Variants in RGS22 observed in about 807,000 individuals in gnomAD.
RGS22 encodes the protein regulator of G protein signaling 22.
A neutral mutation model predicts 172.9 loss-of-function variants in RGS22; 148 were observed. The observed-to-expected ratio is 0.86, with a 90% CI of 0.75 to 0.98. The LOEUF is 0.98. Among genes scored for constraint, RGS22 ranks in the 50% least tolerant of loss-of-function variants. The pLI is 0.00. For missense variants in RGS22, 1,347 were observed against 1,440.8 expected (o/e 0.93, Z 1.05); for synonymous variants, 458 against 480.2 (o/e 0.95, Z 0.60).
rs1368826349 is a variant in RGS22, at chr8:100,062,718, T to C, written c.1387A>G (p.Ser463Gly). The stretch of plus-strand genomic sequence containing the variant: ...GCAGAAAGGTAGTAATCTCCATTGC[T>C]CACTAGATAGCATTTTTTCATCTTC... ...LEKMKKCYLV[S>G]NGDYYLSAEI... Residue 463 changes from serine (S) to glycine (G), a missense_variant, in exon 9 of 28, where the codon AGC (serine) becomes GGC (glycine). Coordinates refer to ENST00000360863, the MANE Select transcript of RGS22 (RefSeq NM_015668.5). 1 of 1,601,322 alleles carries C rather than the reference T, an allele frequency of 6.2e-7. No homozygotes were observed. The highest frequency in any genetic ancestry group is 1.8e-5 in the Admixed American group (1 of 56,496).
intron 4 of RGS22, among the ~76,000 whole-genome samples, chr8:100,079,239 G>A (rs566139762): frequency 1.1e-4 from 16 of 152,220 alleles, no homozygotes; most frequent in South Asian, 2.1e-4. Flanking sequence ...ACTGTGTAGC[G>A]CAGAATATAT....
chr8:100,004,205 T>A, intron 16 of RGS22, 107 bp from the exon 17 acceptor site: 1 of 1,338,048 alleles, frequency 7.5e-7, no homozygotes, highest in Non-Finnish European at 9.7e-7. Context: ...CAAAGCCATT[T>A]AATAATTCAA....
intron 23 of RGS22, among the ~76,000 whole-genome samples, chr8:99,972,540 TAAAC>T (rs1330605014): frequency 2.6e-5 from 4 of 152,040 alleles, no homozygotes; most frequent in African/African-American, 7.2e-5. Context: ...ACAAGGAACT[TAAAC>T]AAATTTACAG....
intron 17 of RGS22, among the ~76,000 whole-genome samples, 195 bp from the exon 18 acceptor site, chr8:100,002,559 T>C (rs979220777): frequency 6.6e-6 from 1 of 152,150 alleles, no homozygotes; most frequent in African/African-American, 2.4e-5. Flanking sequence ...ATTACACTCC[T>C]AATCCTGGCT....
intron 9 of RGS22, among the ~76,000 whole-genome samples, chr8:100,060,272 T>C (rs897016590): frequency 1.3e-5 from 2 of 151,720 alleles, no homozygotes; most frequent in Admixed American, 6.6e-5. Flanking sequence ...CACATGTATG[T>C]TCTTCCCATC....
At position 100,063,662 on chromosome 8, in the gene RGS22, A is replaced by C. The variant is rs1810321161; in HGVS notation, c.1106T>G (p.Leu369Ter). ...TGACCTCTCCTTTGTAGTTTGAACT[A>C]ATTCACTTAAAAAATTCTTGCCATG... is the stretch of plus-strand genomic sequence containing the variant. ...SIHGKNFLSE[L>*]VQTTKERSEE... The change falls in exon 8 of 28, where the codon TTA (leucine) becomes TGA (stop). Residue 369 changes from leucine (L) to a stop codon, truncating the protein, a stop_gained. Coordinates refer to ENST00000360863, the MANE Select transcript of RGS22 (RefSeq NM_015668.5). LOFTEE classifies it high-confidence loss of function. 2 of 1,613,914 alleles carry C rather than the reference A, an allele frequency of 1.2e-6. No individual in the cohort carries two copies.
At position 100,047,606 on chromosome 8, in the gene RGS22, G is replaced by A. The variant is rs780537349; in HGVS notation, c.1690-10C>T. ...AGCTGAATTCTTCTTTCTAAAAGAT[G>A]GTAACATAAGCAAGATGAAAATGAG... is the stretch of plus-strand genomic sequence containing the variant. On this transcript the variant is annotated splice_polypyrimidine_tract_variant and intron_variant, in intron 10 of 27. Transcript: ENST00000360863. 3 of 1,600,770 alleles carry A rather than the reference G, an allele frequency of 1.9e-6. No individual in the cohort carries two copies. Among genetic ancestry groups the A allele is most frequent in the East Asian group, 2.2e-5 (1 of 44,604 alleles).
chr8:100,005,050 T>C (rs1815536802), intron 16 of RGS22, among the ~76,000 whole-genome samples: 1 of 152,010 alleles, frequency 6.6e-6, no homozygotes, highest in Non-Finnish European at 1.5e-5. Context: ...AATTTCCTTA[T>C]GTAGAAGGAT....
intron 14 of RGS22, among the ~76,000 whole-genome samples, chr8:100,013,296 T>G (rs1816614664): frequency 6.6e-6 from 1 of 152,046 alleles, no homozygotes; most frequent in Non-Finnish European, 1.5e-5. Flanking sequence ...GCCTGATTTC[T>G]TTTTTTAAAT....
intron 14 of RGS22, among the ~76,000 whole-genome samples, chr8:100,015,775 A>G (rs1816884107): frequency 6.6e-6 from 1 of 152,218 alleles, no homozygotes; most frequent in Admixed American, 6.5e-5. Flanking sequence ...GAAACATCAT[A>G]AAACTCAGTT....
At chr8:100,104,324 A>ATGTGTG (rs1461195510) in intron 2 of RGS22, among the ~76,000 whole-genome samples, 2 of 119,446 alleles carry the variant, frequency 1.7e-5, no homozygotes, top group East Asian at 2.4e-4. Context: ...GTCTCAAAAT[A>ATGTGTG]TGTGCGTGTG....
chr8:99,977,674 C>T (rs906065093), intron 23 of RGS22, among the ~76,000 whole-genome samples: 11 of 152,048 alleles, frequency 7.2e-5, no homozygotes, highest in African/African-American at 9.7e-5. Context: ...GTTATTGCAG[C>T]GGATGCAAGC....
At chr8:100,100,446 C>T (rs778952919) in intron 2 of RGS22, among the ~76,000 whole-genome samples, 8 of 152,110 alleles carry the variant, frequency 5.3e-5, no homozygotes, top group African/African-American at 1.4e-4. Flanking sequence ...TGTGCCATCA[C>T]GTCCAGCTAA....
At chr8:99,983,486 A>G (rs1182430491) in intron 21 of RGS22, among the ~76,000 whole-genome samples, 2 of 152,086 alleles carry the variant, frequency 1.3e-5, no homozygotes, top group Admixed American at 6.6e-5. Context: ...TGACCGTTTA[A>G]TAATAGCCAT....
At chr8:99,995,829 C>G (rs1056625166) in intron 20 of RGS22, among the ~76,000 whole-genome samples, 13 of 152,154 alleles carry the variant, frequency 8.5e-5, no homozygotes, top group Admixed American at 8.5e-4. Context: ...TATTGCAGCA[C>G]TATTCACAAT....
At chr8:100,032,054 T>C (rs1818877534) in intron 14 of RGS22, among the ~76,000 whole-genome samples, 1 of 152,208 alleles carries the variant, frequency 6.6e-6, no homozygotes, top group Non-Finnish European at 1.5e-5. Flanking sequence ...TACCAGCCAC[T>C]GCAAAAACAT....
At chr8:100,084,142 A>C (rs1359619054) in intron 3 of RGS22, among the ~76,000 whole-genome samples, 1 of 152,124 alleles carries the variant, frequency 6.6e-6, no homozygotes, top group Admixed American at 6.5e-5. Flanking sequence ...CGGCCACATA[A>C]TTTTAGTTAA....
At chr8:100,080,578 G>A in intron 3 of RGS22, 1 of 475,396 alleles carries the variant, frequency 2.1e-6, no homozygotes, top group Non-Finnish European at 3.7e-6. Context: ...TAAGTGTCAG[G>A]GTATGCTATG....
intron 14 of RGS22, among the ~76,000 whole-genome samples, chr8:100,017,914 G>T (rs1817180860): frequency 6.6e-6 from 1 of 152,094 alleles, no homozygotes; most frequent in African/African-American, 2.4e-5. Context: ...TCATATTCCA[G>T]TCAGCTACTC....
Sources: allele counts gnomAD v4.1 joint callset (sites outside exome capture counted in the v4.1 genomes callset), GRCh38; gene constraint gnomAD v4.1.1; transcripts MANE v1.5; gene names NCBI Gene and HGNC (gene_info 2026-07-23, HGNC 2026-07-21).